The following RAPGEF2 variants were observed in gnomAD, a reference collection of about 807,000 sequenced individuals.
The protein encoded by RAPGEF2 is Rap guanine nucleotide exchange factor 2.
In RAPGEF2, 54 loss-of-function variants were observed where a neutral mutation model predicts 186.7. That is an observed-to-expected ratio of 0.29 (90% CI 0.23 to 0.36). The LOEUF (loss-of-function observed/expected upper bound fraction) is 0.36, where lower values mean the gene tolerates loss of function less well. Ranked by LOEUF, RAPGEF2 falls within the 10% of genes least tolerant of loss-of-function variation. The pLI is 1.00. For missense variants in RAPGEF2, 1,532 were observed against 2,045.0 expected (o/e 0.75, Z 4.84); for synonymous variants, 712 against 705.9 (o/e 1.01, Z -0.14).
At chr4:159,339,055 T>C in intron 18 of RAPGEF2, 59 bp from the exon 19 acceptor site, 5 of 1,558,470 alleles carry the variant, frequency 3.2e-6, no homozygotes, top group Non-Finnish European at 8.7e-7. Flanking sequence ...CTTTGCTTAA[T>C]TGCATTGCCA....
chr4:159,260,677 G>A (rs113639380), intron 7 of RAPGEF2, among the ~76,000 whole-genome samples: 176 of 152,268 alleles, frequency 1.2e-3, no homozygotes, highest in South Asian at 2.3e-3. Flanking sequence ...TGTCAAATTT[G>A]TATCCCAGTG....
chr4:159,217,779 G>A (rs1259818268), intron 4 of RAPGEF2, among the ~76,000 whole-genome samples: 1 of 152,208 alleles, frequency 6.6e-6, no homozygotes, highest in African/African-American at 2.4e-5. Context: ...CACCAATAGT[G>A]TATAAGCGTT....
At chr4:159,305,121 A>T (rs1340310835) in intron 8 of RAPGEF2, among the ~76,000 whole-genome samples, 1 of 152,170 alleles carries the variant, frequency 6.6e-6, no homozygotes. Flanking sequence ...TGCTATTGTG[A>T]ATAGTGCTGC....
Position 159,345,316 on chromosome 4 carries a change from A to G in RAPGEF2, c.3489A>G (p.Pro1163=), listed in dbSNP as rs1228210165. Residue 1163 remains proline (P), a synonymous_variant, in exon 24 of 30, where the codon CCA becomes CCG. Transcript: ENST00000691494. ...AGACATTATCTCTGCAGTGTGAGCCAGCAACCAACACATGTGAGTTTTTCC... is the reference window on the plus strand; with the variant it reads ...AGACATTATCTCTGCAGTGTGAGCCGGCAACCAACACATGTGAGTTTTTCC... ...SLQTLSLQCE[P]ATNTLPKNPG... 1 of 1,614,132 alleles carries G rather than the reference A, an allele frequency of 6.2e-7. No homozygotes were observed. The highest frequency in any genetic ancestry group is 1.1e-5 in the South Asian group (1 of 91,092).
intron 1 of RAPGEF2, among the ~76,000 whole-genome samples, chr4:159,135,370 G>GT (rs1741609057): frequency 6.6e-6 from 1 of 151,670 alleles, no homozygotes; most frequent in African/African-American, 2.4e-5. Context: ...TTATGGCCAA[G>GT]TAATATTCCA....
At chr4:159,227,572 G>C (rs1225590749) in intron 4 of RAPGEF2, among the ~76,000 whole-genome samples, 4 of 152,214 alleles carry the variant, frequency 2.6e-5, no homozygotes, top group African/African-American at 9.7e-5. Flanking sequence ...AGACCTGTTT[G>C]TGCCACTGTG....
rs1355035010 is a variant in RAPGEF2 at position 159,359,906 on chromosome 4, T to G, written c.*1767T>G. The G allele has an allele frequency of 2.0e-5, 3 of 152,218 alleles. No individual in the cohort carries two copies. The highest frequency in any genetic ancestry group is 4.4e-5 in the Non-Finnish European group (3 of 68,038). The allele number at this position is 152,218 out of a possible 1,614,324, so 9.4% of individuals were successfully genotyped here. Reference sequence around the variant, plus strand: ...ATTGTAGAACATAGGACTGCTAATCTCAGTTCGCTCTGTGATGTCAAGTGC... The same window carrying G: ...ATTGTAGAACATAGGACTGCTAATCGCAGTTCGCTCTGTGATGTCAAGTGC... On this transcript the variant is annotated 3_prime_UTR_variant, in exon 30 of 30. Coordinates refer to ENST00000691494, the MANE Select transcript of RAPGEF2 (RefSeq NM_001394067.2).
chr4:159,310,652 T>G (rs2111088024), intron 8 of RAPGEF2, among the ~76,000 whole-genome samples: 2 of 152,254 alleles, frequency 1.3e-5, no homozygotes, highest in South Asian at 4.1e-4. Context: ...TATCACTATT[T>G]AAATATTAAT....
chr4:159,345,211 T>C lies in RAPGEF2; in HGVS notation c.3384T>C (p.Leu1128=), dbSNP rs779175538. 6.8e-6 allele frequency: 11 copies of C among 1,614,116 alleles called. No homozygotes were observed. Among genetic ancestry groups the C allele is most frequent in the Admixed American group, 1.7e-5 (1 of 60,028 alleles). ...RRSSFLNAKK[L]YEDAQMARKV... ...GTTCCTTTCTCAATGCCAAAAAGCT[T>C]TATGAAGATGCCCAAATGGCTCGAA... The change falls in exon 24 of 30, where the codon CTT becomes CTC. Residue 1128 remains leucine, a synonymous_variant. Transcript: ENST00000691494.
intron 28 of RAPGEF2, among the ~76,000 whole-genome samples, chr4:159,354,573 A>G (rs935745252): frequency 6.6e-6 from 1 of 152,232 alleles, no homozygotes; most frequent in Non-Finnish European, 1.5e-5. Flanking sequence ...TGTAATGACT[A>G]AGAGCACGGG....
intron 22 of RAPGEF2, 57 bp downstream of exon 22, chr4:159,343,461 T>A: frequency 1.3e-6 from 2 of 1,577,234 alleles, no homozygotes; most frequent in South Asian, 2.3e-5. Context: ...AATTTAGAGC[T>A]TCCCAATAAA....
At chr4:159,140,790 T>C (rs1742230436) in intron 1 of RAPGEF2, among the ~76,000 whole-genome samples, 1 of 151,502 alleles carries the variant, frequency 6.6e-6, no homozygotes, top group South Asian at 2.1e-4. Context: ...TAAGCAATGA[T>C]GTTGAATCTT....
At chr4:159,167,531 G>A (rs1003410904) in intron 1 of RAPGEF2, among the ~76,000 whole-genome samples, 1 of 152,238 alleles carries the variant, frequency 6.6e-6, no homozygotes, top group African/African-American at 2.4e-5. Context: ...CAAGGGGAAG[G>A]ACTGGCCACA....
intron 1 of RAPGEF2, among the ~76,000 whole-genome samples, chr4:159,170,238 T>C (rs1745766225): frequency 6.6e-6 from 1 of 152,182 alleles, no homozygotes. Context: ...CTTTTCCTAT[T>C]TTGAAATTGG....
At chr4:159,208,763 G>A (rs1750210763) in intron 3 of RAPGEF2, among the ~76,000 whole-genome samples, 1 of 152,054 alleles carries the variant, frequency 6.6e-6, no homozygotes, top group Admixed American at 6.5e-5. Flanking sequence ...ACTTATTCAT[G>A]GCAGAGAGCA....
chr4:159,248,938 G>C (rs557303780), intron 7 of RAPGEF2, among the ~76,000 whole-genome samples: 2 of 152,194 alleles, frequency 1.3e-5, no homozygotes, highest in South Asian at 4.1e-4. Flanking sequence ...GGGATTTACT[G>C]TTCTTTCATT....
chr4:159,355,878 G>GCCC lies in RAPGEF2; in HGVS notation c.4680_4682dup (p.Pro1562dup). ...CACGAAAGGAGGGCAGGTATCGAGAGCCCCCGCCCACCCCTCCCGGCTACA... is the reference window on the plus strand; with the variant it reads ...CACGAAAGGAGGGCAGGTATCGAGAGCCCCCCCCGCCCACCCCTCCCGGCTACA... On this transcript the variant is annotated inframe_insertion, in exon 29 of 30. Transcript: ENST00000691494. 1.2e-3 allele frequency: 1,892 copies of GCCC among 1,515,020 alleles called. No homozygotes were observed. Among genetic ancestry groups the GCCC allele is most frequent in the Non-Finnish European group, 1.6e-3 (1,753 of 1,117,228 alleles). The allele number at this position is 1,515,020 out of a possible 1,614,324, so 93.8% of individuals were successfully genotyped here.
intron 7 of RAPGEF2, among the ~76,000 whole-genome samples, chr4:159,252,481 A>G (rs969343711): frequency 3.9e-5 from 6 of 152,198 alleles, no homozygotes; most frequent in Non-Finnish European, 8.8e-5. Flanking sequence ...TCCCTAACCA[A>G]CTGGGATGTA....
At chr4:159,272,595 G>A (rs78115398) in intron 7 of RAPGEF2, among the ~76,000 whole-genome samples, 6,762 of 152,232 alleles carry the variant, frequency 0.044, 247 homozygotes, top group Non-Finnish European at 0.063. Context: ...ATTACATCTG[G>A]AATGAATTCC....
Sources: gnomAD v4.1 joint callset for allele counts (sites outside exome capture counted in the v4.1 genomes callset) on GRCh38, gnomAD v4.1.1 for gene constraint, MANE v1.5 for transcripts, NCBI Gene and HGNC (gene_info 2026-07-23, HGNC 2026-07-21) for gene names.